Variants in DNAL1 observed in about 807,000 individuals in gnomAD.
DNAL1 encodes the protein chromosome 14 open reading frame 168.
A neutral mutation model predicts 29.4 loss-of-function variants in DNAL1; 17 were observed. The observed-to-expected ratio is 0.58, with a 90% confidence interval of 0.40 to 0.87. DNAL1 has a LOEUF of 0.87. Among genes scored for constraint, DNAL1 ranks in the 40% least tolerant of loss-of-function variants. The probability of loss-of-function intolerance (pLI) is 0.00; values close to 1 mark genes in which losing one functional copy is unlikely to be tolerated. For missense variants in DNAL1, 188 were observed against 214.1 expected (o/e 0.88, Z 0.76); for synonymous variants, 78 against 76.3 (o/e 1.02, Z -0.12).
At chr14:73,691,203 CAT>C (rs1434989656) in intron 7 of DNAL1, among the ~76,000 whole-genome samples, 3 of 152,134 alleles carry the variant, frequency 2.0e-5, no homozygotes, top group Non-Finnish European at 2.9e-5. Context: ...ACAATGAACA[CAT>C]AGAGATAATC....
chr14:73,671,678 G>A (rs1187852095), intron 5 of DNAL1, 81 bp downstream of exon 5: 4 of 1,288,230 alleles, frequency 3.1e-6, no homozygotes, highest in South Asian at 1.8e-5. Context: ...TCCTTGAAAT[G>A]GAATTACTAG....
At chr14:73,648,132 C>T (rs1290889512) in intron 1 of DNAL1, among the ~76,000 whole-genome samples, 1 of 151,960 alleles carries the variant, frequency 6.6e-6, no homozygotes, top group Non-Finnish European at 1.5e-5. Flanking sequence ...CACTCACCAC[C>T]ACGCCCGGCT....
At chr14:73,694,546 T>TC (rs1346248437) in intron 7 of DNAL1, among the ~76,000 whole-genome samples, 1 of 150,406 alleles carries the variant, frequency 6.6e-6, no homozygotes, top group Admixed American at 6.6e-5. Flanking sequence ...CTACAGTGAT[T>TC]TTTTTTTCAG....
rs182398411 is a variant in DNAL1, at chr14:73,692,162, C to T, written c.532+2647C>T. On this transcript the variant is annotated intron_variant, in intron 7 of 7. Transcript: ENST00000553645. ...TGTCTTTACTTCCTTCAGGGTTGTA[C>T]GTAGAAAGCGAACCTCTTCCCTTAA... Among the ~76,000 whole-genome samples the T allele has an allele frequency of 3.3e-5, 5 of 151,944 alleles. No individual in the cohort carries two copies. In the East Asian group the frequency reaches 7.8e-4, roughly 24 times the overall value.
chr14:73,699,504 C>A lies in DNAL1; in HGVS notation c.*3562C>A, dbSNP rs1892381726. On this transcript the variant is annotated 3_prime_UTR_variant, in exon 8 of 8. Transcript: ENST00000553645. ...TATTTTTAGTACAGACGGCGTTTCA[C>A]CATATTGGCCAGGCTGGTCTCAAAC... The A allele has an allele frequency of 2.0e-5, 3 of 150,780 alleles. No homozygotes were observed. The highest frequency in any genetic ancestry group is 7.3e-5 in the African/African-American group (3 of 41,186). 9.3% of individuals were successfully genotyped at this position (150,780 alleles called of 1,614,324 possible).
At chr14:73,650,859 C>A (rs1891097873) in intron 1 of DNAL1, among the ~76,000 whole-genome samples, 2 of 152,132 alleles carry the variant, frequency 1.3e-5, no homozygotes, top group Non-Finnish European at 2.9e-5. Flanking sequence ...CCTAGACTGG[C>A]CTTCAATTAT....
In DNAL1 at chr14:73,696,116, A is replaced by C; in HGVS notation, c.*174A>C. On this transcript the variant is annotated 3_prime_UTR_variant, in exon 8 of 8. Transcript: ENST00000553645. ...TAACTTATTCAGTGTTTCTCCCCAA[A>C]ACTGGTAATGCCAACCTTATATATC... 6.4e-6 allele frequency: 4 copies of C among 627,542 alleles called. No individual in the cohort carries two copies. Among genetic ancestry groups the C allele is most frequent in the East Asian group, 3.2e-5 (1 of 31,260 alleles). The allele number at this position is 627,542 out of a possible 1,614,324, so 38.9% of individuals were successfully genotyped here.
intron 2 of DNAL1, among the ~76,000 whole-genome samples, chr14:73,657,225 T>G (rs1278950945): frequency 6.6e-6 from 1 of 152,152 alleles, no homozygotes; most frequent in Non-Finnish European, 1.5e-5. Flanking sequence ...ATTCGTTTGT[T>G]TTTCTGGGGA....
chr14:73,683,627 C>G (rs76988739), intron 5 of DNAL1, among the ~76,000 whole-genome samples: 33,460 of 151,470 alleles, frequency 0.22, 4,987 homozygotes, highest in Non-Finnish European at 0.33. Context: ...CCCCCCACCC[C>G]CCTCTCCAGT....
intron 5 of DNAL1, among the ~76,000 whole-genome samples, chr14:73,683,281 T>C (rs1891935555): frequency 6.6e-6 from 1 of 152,172 alleles, no homozygotes; most frequent in Non-Finnish European, 1.5e-5. Context: ...ATCATTATTA[T>C]GTACTATACA....
chr14:73,693,692 T>C (rs1892228845), intron 7 of DNAL1, among the ~76,000 whole-genome samples: 1 of 151,872 alleles, frequency 6.6e-6, no homozygotes, highest in Admixed American at 6.6e-5. Context: ...GCCTGGGTAA[T>C]AGAGCAAGAC....
chr14:73,662,211 AG>A (rs1407229474), intron 4 of DNAL1, among the ~76,000 whole-genome samples, 169 bp downstream of exon 4: 1 of 149,742 alleles, frequency 6.7e-6, no homozygotes, highest in African/African-American at 2.6e-5. Context: ...AGAAAAATAG[AG>A]ATAGCATGAG....
chr14:73,645,065 A>G, intron 1 of DNAL1, 23 bp downstream of exon 1: 8 of 1,607,046 alleles, frequency 5.0e-6, no homozygotes, highest in Non-Finnish European at 6.8e-6. Flanking sequence ...CGGGCCGCGT[A>G]GCCAAAGCTG....
chr14:73,682,792 G>A (rs541871083), intron 5 of DNAL1, among the ~76,000 whole-genome samples: 2 of 151,608 alleles, frequency 1.3e-5, no homozygotes, highest in Admixed American at 1.3e-4. Flanking sequence ...CACACATGGA[G>A]CCACCATTTC....
In DNAL1 at chr14:73,699,627, A is replaced by C. The variant is rs1410458940; in HGVS notation, c.*3685A>C. ...CTTAATGCTCATTTTCATAATTTTC[A>C]TGTAATATTAGAAACTCAGGGCTGG... On this transcript the variant is annotated 3_prime_UTR_variant, in exon 8 of 8. Coordinates refer to ENST00000553645, the MANE Select transcript of DNAL1 (RefSeq NM_031427.4). 6.6e-6 allele frequency: 1 copy of C among 152,066 alleles called. No individual in the cohort carries two copies. Among genetic ancestry groups the C allele is most frequent in the Non-Finnish European group, 1.5e-5 (1 of 68,002 alleles). 9.4% of individuals were successfully genotyped at this position (152,066 alleles called of 1,614,324 possible).
At chr14:73,690,780 TAAA>T (rs1892155649) in intron 7 of DNAL1, among the ~76,000 whole-genome samples, 1 of 151,950 alleles carries the variant, frequency 6.6e-6, no homozygotes, top group African/African-American at 2.4e-5. Context: ...GTTTAAAAAA[TAAA>T]GAAAGTTAGG....
At chr14:73,693,964 C>T (rs1048926842) in intron 7 of DNAL1, among the ~76,000 whole-genome samples, 4 of 152,158 alleles carry the variant, frequency 2.6e-5, no homozygotes, top group Non-Finnish European at 5.9e-5. Flanking sequence ...AACAAATGCT[C>T]AGGAGTGTAC....
chr14:73,689,092 G>A (rs181302560), intron 6 of DNAL1, among the ~76,000 whole-genome samples: 201 of 129,494 alleles, frequency 1.6e-3, no homozygotes, highest in Middle Eastern at 6.4e-3. Flanking sequence ...GGAGTGCATT[G>A]GTGCAATCTC....
At chr14:73,679,476 T>C (rs987364989) in intron 5 of DNAL1, among the ~76,000 whole-genome samples, 2 of 152,048 alleles carry the variant, frequency 1.3e-5, no homozygotes, top group African/African-American at 4.8e-5. Context: ...CACTGAGAGA[T>C]AATTGGATAA....
Sources: gnomAD v4.1 joint callset for allele counts (sites outside exome capture counted in the v4.1 genomes callset) on GRCh38, gnomAD v4.1.1 for gene constraint, MANE v1.5 for transcripts, NCBI Gene and HGNC (gene_info 2026-07-23, HGNC 2026-07-21) for gene names.